CLSTN2: variants seen among roughly 807,000 people sequenced by gnomAD.
CLSTN2 encodes calsyntenin-2.
CLSTN2 carries 48 observed loss-of-function variants against 101.2 expected under a neutral mutation model. That is an observed-to-expected ratio of 0.47 (90% CI 0.38 to 0.60). The LOEUF is 0.60. Among genes scored for constraint, CLSTN2 ranks in the 20% least tolerant of loss-of-function variants. The probability of loss-of-function intolerance (pLI) is 0.00; values close to 1 mark genes in which losing one functional copy is unlikely to be tolerated. For synonymous variants in CLSTN2, 481 were observed against 463.6 expected (o/e 1.04, Z -0.48); for missense variants, 1,160 against 1,238.2 (o/e 0.94, Z 0.95).
intron 4 of CLSTN2, among the ~76,000 whole-genome samples, chr3:140,406,866 T>C (rs1043633147): frequency 5.3e-5 from 8 of 152,276 alleles, no homozygotes; most frequent in African/African-American, 1.9e-4. Context: ...TGAGATGAGA[T>C]GCAAAGTCTT....
At position 140,575,238 on chromosome 3, in the gene CLSTN2, A is replaced by T. The variant is rs1375325663; in HGVS notation, c.*8985A>T. 1 of 152,216 alleles carries T rather than the reference A, an allele frequency of 6.6e-6. No individual in the cohort carries two copies. Among genetic ancestry groups the T allele is most frequent in the Non-Finnish European group, 1.5e-5 (1 of 68,056 alleles). 9.4% of individuals were successfully genotyped at this position (152,216 alleles called of 1,614,324 possible). On this transcript the variant is annotated 3_prime_UTR_variant, in exon 17 of 17. Transcript: ENST00000458420. Reference sequence around the variant, plus strand: ...GTCAGGGCTGATCACTCAAAAAGTAAGATAGGAGATATTGAGGGAAAATGT... The same window carrying T: ...GTCAGGGCTGATCACTCAAAAAGTATGATAGGAGATATTGAGGGAAAATGT...
intron 11 of CLSTN2, 34 bp from the exon 12 acceptor site, chr3:140,558,606 C>CTCA (rs1935846357): frequency 1.3e-6 from 2 of 1,561,382 alleles, no homozygotes; most frequent in Non-Finnish European, 1.8e-6. Context: ...TAATTGTTTG[C>CTCA]TCATCAGTGC....
intron 2 of CLSTN2, among the ~76,000 whole-genome samples, chr3:140,238,181 A>G (rs1374723162): frequency 6.6e-6 from 1 of 152,172 alleles, no homozygotes. Context: ...ATTTCTTCTG[A>G]CCCTTTGGGG....
chr3:140,243,494 G>A (rs539887744), intron 2 of CLSTN2, among the ~76,000 whole-genome samples: 152 of 152,280 alleles, frequency 1.0e-3, no homozygotes, highest in Non-Finnish European at 1.6e-3. Flanking sequence ...GAAAGAAGAG[G>A]GAGGGCCCAT....
chr3:140,147,001 T>C (rs2009790188), intron 1 of CLSTN2, among the ~76,000 whole-genome samples: 1 of 152,224 alleles, frequency 6.6e-6, no homozygotes, highest in East Asian at 1.9e-4. Flanking sequence ...AAGGAACATG[T>C]TGACTGTCAA....
intron 8 of CLSTN2, among the ~76,000 whole-genome samples, chr3:140,531,767 T>C (rs113182925): frequency 1.1e-4 from 17 of 152,336 alleles, no homozygotes; most frequent in Non-Finnish European, 1.9e-4. Context: ...ATTGTGACTC[T>C]CTTCTAGCCC....
chr3:140,161,772 C>G (rs2010051068), intron 1 of CLSTN2, among the ~76,000 whole-genome samples: 1 of 152,116 alleles, frequency 6.6e-6, no homozygotes, highest in African/African-American at 2.4e-5. Context: ...TGCTGTGTTT[C>G]AAGTCCTTTG....
chr3:140,450,157 G>A (rs555668069), intron 6 of CLSTN2: 1 of 152,232 alleles, frequency 6.6e-6, no homozygotes, highest in African/African-American at 2.4e-5. Flanking sequence ...CCATGAGGAG[G>A]TCACCCATCC....
intron 1 of CLSTN2, among the ~76,000 whole-genome samples, chr3:140,097,199 C>T (rs548071160): frequency 6.6e-6 from 1 of 152,260 alleles, no homozygotes; most frequent in African/African-American, 2.4e-5. Context: ...TTATTACCTT[C>T]ACTTTATACA....
At chr3:140,157,476 G>T (rs527514053) in intron 1 of CLSTN2, among the ~76,000 whole-genome samples, 16 of 152,246 alleles carry the variant, frequency 1.1e-4, no homozygotes, top group Middle Eastern at 3.4e-3. Flanking sequence ...GGGAGGCTGT[G>T]TGTTTCTAGG....
intron 5 of CLSTN2, among the ~76,000 whole-genome samples, chr3:140,439,047 G>T (rs145688782): frequency 1.3e-5 from 2 of 152,218 alleles, no homozygotes; most frequent in African/African-American, 4.8e-5. Flanking sequence ...CTCTAAAGAG[G>T]TGGTGCCCAA....
chr3:140,401,806 C>T (rs150901111), intron 2 of CLSTN2, among the ~76,000 whole-genome samples: 214 of 152,330 alleles, frequency 1.4e-3, no homozygotes, highest in African/African-American at 5.0e-3. Context: ...ATCTATTCAA[C>T]GCTTCTAATT....
intron 1 of CLSTN2, among the ~76,000 whole-genome samples, chr3:140,006,508 A>G (rs1433198485): frequency 6.6e-6 from 1 of 152,156 alleles, no homozygotes; most frequent in African/African-American, 2.4e-5. Flanking sequence ...GCACCTTGGA[A>G]TCCACGCTTA....
At chr3:140,021,127 G>A (rs1033886690) in intron 1 of CLSTN2, among the ~76,000 whole-genome samples, 1 of 152,096 alleles carries the variant, frequency 6.6e-6, no homozygotes, top group Non-Finnish European at 1.5e-5. Flanking sequence ...ATGCTTCCTC[G>A]AGCCAGGGTT....
chr3:140,299,789 A>G (rs912338447), intron 2 of CLSTN2, among the ~76,000 whole-genome samples: 5 of 152,206 alleles, frequency 3.3e-5, no homozygotes, highest in African/African-American at 4.8e-5. Flanking sequence ...GCTATATTCT[A>G]TCACACTAGC....
chr3:140,155,226 A>G (rs1048009597), intron 1 of CLSTN2, among the ~76,000 whole-genome samples: 1 of 152,210 alleles, frequency 6.6e-6, no homozygotes, highest in Non-Finnish European at 1.5e-5. Flanking sequence ...CTAAGGTAGT[A>G]TCATCTGGGA....
chr3:140,003,365 A>G (rs1174390157), intron 1 of CLSTN2, among the ~76,000 whole-genome samples: 4 of 152,186 alleles, frequency 2.6e-5, no homozygotes, highest in Non-Finnish European at 5.9e-5. Flanking sequence ...CTATTGACCT[A>G]TAGAAACACT....
intron 1 of CLSTN2, among the ~76,000 whole-genome samples, chr3:139,986,918 G>A (rs1013647161): frequency 6.6e-6 from 1 of 152,112 alleles, no homozygotes; most frequent in Non-Finnish European, 1.5e-5. Context: ...TTGGTATGAA[G>A]GCTGGGTATC....
chr3:140,383,522 G>C (rs2088015884), intron 2 of CLSTN2, among the ~76,000 whole-genome samples: 1 of 152,164 alleles, frequency 6.6e-6, no homozygotes, highest in South Asian at 2.1e-4. Context: ...AAAAACATAG[G>C]TAATTCTGAG....
Sources: allele counts gnomAD v4.1 joint callset (sites outside exome capture counted in the v4.1 genomes callset), GRCh38; gene constraint gnomAD v4.1.1; transcripts MANE v1.5; gene names NCBI Gene and HGNC (gene_info 2026-07-23, HGNC 2026-07-21).